CSMD1: variants seen among roughly 807,000 people sequenced by gnomAD.
The protein encoded by CSMD1 is CUB and Sushi multiple domains 1.
CSMD1 carries 213 observed loss-of-function variants against 417.5 expected under a neutral mutation model. That is an observed-to-expected ratio of 0.51 (90% CI 0.46 to 0.57). CSMD1 has a LOEUF of 0.57. Among genes scored for constraint, CSMD1 ranks in the 20% least tolerant of loss-of-function variants. The pLI, the probability that CSMD1 is intolerant of heterozygous loss-of-function variation, is 0.00. For missense variants in CSMD1, 6,923 were observed against 4,529.7 expected (o/e 1.53, Z -15.17); for synonymous variants, 2,862 against 1,736.8 (o/e 1.65, Z -16.11).
intron 67 of CSMD1, 77 bp downstream of exon 67, chr8:2,950,154 A>T (rs1359468469): frequency 2.5e-5 from 24 of 954,890 alleles, no homozygotes; most frequent in Non-Finnish European, 3.9e-5. Context: ...GAAGCCTCCA[A>T]TCCGTAGCCC....
rs559749744 is a variant in CSMD1, at chr8:3,467,044, G to A, written c.1561+1668C>T. On this transcript the variant is annotated intron_variant, in intron 12 of 69. Transcript: ENST00000635120. The stretch of plus-strand genomic sequence containing the variant: ...GACTGATGGCCATTCACGTTTTTAT[G>A]ACATCTCATGAAAAGCCATCTCAGG... Among the ~76,000 whole-genome samples the A allele has an allele frequency of 5.3e-5, 8 of 152,228 alleles. No homozygotes were observed. In the South Asian group the frequency reaches 6.2e-4, roughly 12 times the overall value.
At chr8:3,601,594 T>A (rs1192560328) in intron 8 of CSMD1, among the ~76,000 whole-genome samples, 1 of 152,158 alleles carries the variant, frequency 6.6e-6, no homozygotes, top group African/African-American at 2.4e-5. Context: ...CAATCTACTG[T>A]AGAATAAGAT....
chr8:4,293,256 G>C (rs1410088255), intron 3 of CSMD1, among the ~76,000 whole-genome samples: 1 of 152,132 alleles, frequency 6.6e-6, no homozygotes. Context: ...GAGTCGTGGA[G>C]AGACACAACA....
chr8:3,052,254 C>A (rs1240492178), intron 50 of CSMD1, among the ~76,000 whole-genome samples: 1 of 152,240 alleles, frequency 6.6e-6, no homozygotes, highest in East Asian at 1.9e-4. Context: ...TTAGGATTCA[C>A]CTAACATTCA....
intron 11 of CSMD1, among the ~76,000 whole-genome samples, chr8:3,479,743 C>G (rs150613748): frequency 3.9e-5 from 6 of 151,968 alleles, no homozygotes; most frequent in African/African-American, 1.5e-4. Context: ...AAGGAAATCA[C>G]GGCTTGAATG....
chr8:3,343,533 C>T (rs1807797692), intron 22 of CSMD1, 83 bp from the exon 23 acceptor site: 2 of 1,237,818 alleles, frequency 1.6e-6, no homozygotes, highest in Non-Finnish European at 2.3e-6. Context: ...TCCAAATCTT[C>T]AAAGATGCAG....
At chr8:4,733,834 C>G (rs1441845927) in intron 1 of CSMD1, among the ~76,000 whole-genome samples, 1 of 152,162 alleles carries the variant, frequency 6.6e-6, no homozygotes, top group Non-Finnish European at 1.5e-5. Flanking sequence ...ATTTTATTAT[C>G]ACTGACCATT....
chr8:4,941,990 A>G (rs1006850774), intron 1 of CSMD1, among the ~76,000 whole-genome samples: 2 of 152,220 alleles, frequency 1.3e-5, no homozygotes, highest in East Asian at 1.9e-4. Flanking sequence ...AAAGTCATTT[A>G]AAACCTGAAT....
At chr8:4,504,817 A>G (rs1038730453) in intron 2 of CSMD1, among the ~76,000 whole-genome samples, 3 of 151,994 alleles carry the variant, frequency 2.0e-5, no homozygotes, top group Non-Finnish European at 4.4e-5. Flanking sequence ...TGAACTCATT[A>G]TTTTTTATGG....
At chr8:4,144,091 T>G (rs1473003544) in intron 3 of CSMD1, among the ~76,000 whole-genome samples, 1 of 151,194 alleles carries the variant, frequency 6.6e-6, no homozygotes, top group Non-Finnish European at 1.5e-5. Flanking sequence ...CCATTAACTT[T>G]AGAAAGTTTG....
At chr8:3,480,501 T>C (rs1817682287) in intron 11 of CSMD1, among the ~76,000 whole-genome samples, 1 of 152,162 alleles carries the variant, frequency 6.6e-6, no homozygotes, top group African/African-American at 2.4e-5. Flanking sequence ...ACGAGCTAGA[T>C]GATGGTGTTG....
chr8:3,307,090 A>AAGAGAAG (rs1563252809), intron 25 of CSMD1, among the ~76,000 whole-genome samples: 2 of 152,126 alleles, frequency 1.3e-5, no homozygotes, highest in Non-Finnish European at 1.5e-5. Flanking sequence ...TTAAAATATG[A>AAGAGAAG]CTTTGCTTCT....
At chr8:4,769,010 C>T (rs940188221) in intron 1 of CSMD1, among the ~76,000 whole-genome samples, 1 of 152,014 alleles carries the variant, frequency 6.6e-6, no homozygotes, top group African/African-American at 2.4e-5. Context: ...ACCAATATAC[C>T]TGACTGTAAG....
intron 54 of CSMD1, 38 bp downstream of exon 54, chr8:2,997,973 C>T (rs762793849): frequency 6.9e-6 from 11 of 1,594,574 alleles, no homozygotes; most frequent in Non-Finnish European, 8.6e-6. Context: ...CTAGAACACT[C>T]TCAGAGCAAA....
At chr8:4,496,547 T>G (rs576754052) in intron 2 of CSMD1, among the ~76,000 whole-genome samples, 1 of 152,304 alleles carries the variant, frequency 6.6e-6, no homozygotes, top group South Asian at 2.1e-4. Flanking sequence ...ATGACCTCTG[T>G]TTTGAACTTC....
intron 49 of CSMD1, among the ~76,000 whole-genome samples, chr8:3,054,099 G>C (rs947304871): frequency 3.3e-5 from 5 of 152,122 alleles, no homozygotes; most frequent in African/African-American, 7.2e-5. Context: ...TCCCAAACGA[G>C]ACTATTCTCT....
intron 3 of CSMD1, among the ~76,000 whole-genome samples, chr8:4,049,791 T>C (rs1437641054): frequency 6.6e-6 from 1 of 152,182 alleles, no homozygotes; most frequent in East Asian, 1.9e-4. Flanking sequence ...TCCTTACTGT[T>C]AGCATCTTAG....
intron 5 of CSMD1, among the ~76,000 whole-genome samples, chr8:3,992,841 C>G (rs960530623): frequency 6.6e-6 from 1 of 152,272 alleles, no homozygotes. Flanking sequence ...ATTGGTGGCA[C>G]TGCAGCATTG....
intron 1 of CSMD1, among the ~76,000 whole-genome samples, chr8:4,985,278 G>C (rs376711554): frequency 1.3e-5 from 2 of 152,042 alleles, no homozygotes; most frequent in East Asian, 3.9e-4. Flanking sequence ...TTACTACCTT[G>C]GTAATGATAT....
Sources: allele counts gnomAD v4.1 joint callset (sites outside exome capture counted in the v4.1 genomes callset), GRCh38; gene constraint gnomAD v4.1.1; transcripts MANE v1.5; gene names NCBI Gene and HGNC (gene_info 2026-07-23, HGNC 2026-07-21).